ASIC2: variants seen among roughly 807,000 people sequenced by gnomAD.
ASIC2 encodes the protein acid-sensing ion channel 2.
ASIC2 carries 25 observed loss-of-function variants against 57.3 expected under a neutral mutation model. The ratio of observed to expected loss-of-function variants is 0.44; its 90% CI spans 0.32 to 0.61. The LOEUF is 0.61. Ranked by LOEUF, ASIC2 falls within the 20% of genes least tolerant of loss-of-function variation. The pLI, the probability that ASIC2 is intolerant of heterozygous loss-of-function variation, is 0.06. For synonymous variants in ASIC2, 319 were observed against 307.5 expected, an observed-to-expected ratio of 1.04 and a Z score of -0.39; for missense variants, 641 against 738.1, an observed-to-expected ratio of 0.87 and a Z score of 1.52.
intron 1 of ASIC2, among the ~76,000 whole-genome samples, chr17:33,504,217 T>A (rs1358487188): frequency 1.3e-5 from 2 of 152,244 alleles, no homozygotes; most frequent in Non-Finnish European, 2.9e-5. Flanking sequence ...TGGGCATACT[T>A]GTATGGTACT....
intron 1 of ASIC2, among the ~76,000 whole-genome samples, chr17:34,133,104 A>G (rs1381212795): frequency 6.6e-6 from 1 of 152,232 alleles, no homozygotes; most frequent in East Asian, 1.9e-4. Context: ...AGTGTTGGGC[A>G]TCAATTATCT....
chr17:34,036,543 T>A (rs1440444612), intron 1 of ASIC2: 2 of 147,870 alleles, frequency 1.4e-5, no homozygotes, highest in South Asian at 2.2e-4. Flanking sequence ...TAAAATAAAA[T>A]AAAAAATAAA....
intron 1 of ASIC2, among the ~76,000 whole-genome samples, chr17:33,218,745 T>G (rs1362515261): frequency 6.6e-6 from 1 of 152,176 alleles, no homozygotes; most frequent in Non-Finnish European, 1.5e-5. Flanking sequence ...TTTTCCCTTT[T>G]GCCTCCAGCA....
At chr17:33,024,545 C>T (rs1408697805) in intron 5 of ASIC2, among the ~76,000 whole-genome samples, 1 of 152,172 alleles carries the variant, frequency 6.6e-6, no homozygotes, top group Non-Finnish European at 1.5e-5. Context: ...CTCTCTTCTT[C>T]CAATTAGACA....
chr17:33,205,618 C>T (rs756786503), intron 1 of ASIC2, among the ~76,000 whole-genome samples: 4 of 152,196 alleles, frequency 2.6e-5, no homozygotes, highest in African/African-American at 4.8e-5. Flanking sequence ...CTTGGGGAAA[C>T]GCTTGACTAG....
intron 1 of ASIC2, among the ~76,000 whole-genome samples, chr17:33,379,062 T>G (rs2141944448): frequency 6.6e-6 from 1 of 152,326 alleles, no homozygotes; most frequent in Non-Finnish European, 1.5e-5. Context: ...ATTTAAGGGT[T>G]ATTGGAGCAT....
intron 3 of ASIC2, among the ~76,000 whole-genome samples, chr17:33,066,295 T>C (rs556659446): frequency 6.6e-6 from 1 of 152,280 alleles, no homozygotes; most frequent in African/African-American, 2.4e-5. Context: ...GGGAGAAGAA[T>C]GGCTGTCTCT....
intron 1 of ASIC2, among the ~76,000 whole-genome samples, chr17:34,010,592 G>A (rs1312141582): frequency 6.6e-6 from 1 of 151,970 alleles, no homozygotes; most frequent in Non-Finnish European, 1.5e-5. Context: ...CCTATGATGT[G>A]ATTCTAACAC....
chr17:33,750,128 T>C (rs1337833997), intron 1 of ASIC2, among the ~76,000 whole-genome samples: 1 of 152,060 alleles, frequency 6.6e-6, no homozygotes, highest in Admixed American at 6.6e-5. Flanking sequence ...AATGTTGTTG[T>C]GATGTGTGGG....
intron 1 of ASIC2, among the ~76,000 whole-genome samples, chr17:33,847,775 C>A (rs1180507031): frequency 6.6e-6 from 1 of 152,104 alleles, no homozygotes; most frequent in East Asian, 1.9e-4. Context: ...CACAGTAGCA[C>A]AGAGGAAAGT....
intron 1 of ASIC2, among the ~76,000 whole-genome samples, chr17:33,230,835 G>T (rs1908062696): frequency 6.6e-6 from 1 of 152,144 alleles, no homozygotes; most frequent in Non-Finnish European, 1.5e-5. Flanking sequence ...CTGGGCTGGG[G>T]TTAATGGTGA....
chr17:33,997,228 A>T (rs1906188616), intron 1 of ASIC2, among the ~76,000 whole-genome samples: 1 of 149,862 alleles, frequency 6.7e-6, no homozygotes. Flanking sequence ...TGCAGTCTTG[A>T]CCTCCTGGGC....
intron 1 of ASIC2, among the ~76,000 whole-genome samples, chr17:33,653,075 G>A (rs1192976542): frequency 6.6e-6 from 1 of 152,160 alleles, no homozygotes; most frequent in Non-Finnish European, 1.5e-5. Context: ...GACCCTCAAG[G>A]GTGTTATAAA....
intron 1 of ASIC2, among the ~76,000 whole-genome samples, chr17:33,311,651 C>T (rs1407107337): frequency 6.6e-6 from 1 of 152,110 alleles, no homozygotes; most frequent in Non-Finnish European, 1.5e-5. Flanking sequence ...TTGGGAAGCA[C>T]AACTCTATGT....
chr17:33,245,071 T>C (rs942359523), intron 1 of ASIC2, among the ~76,000 whole-genome samples: 1 of 152,222 alleles, frequency 6.6e-6, no homozygotes, highest in African/African-American at 2.4e-5. Context: ...TATACTAATA[T>C]AGATCATAAC....
intron 1 of ASIC2, among the ~76,000 whole-genome samples, chr17:33,750,282 C>A (rs1404726693): frequency 6.6e-6 from 1 of 152,160 alleles, no homozygotes; most frequent in Non-Finnish European, 1.5e-5. Flanking sequence ...CTTCCTCTTT[C>A]CTGGACTTTG....
At chr17:33,561,722 A>T (rs1274097256) in intron 1 of ASIC2, among the ~76,000 whole-genome samples, 1 of 148,002 alleles carries the variant, frequency 6.8e-6, no homozygotes, top group East Asian at 1.9e-4. Flanking sequence ...AAGAGCAGGC[A>T]GGAGCCTGGA....
intron 1 of ASIC2, among the ~76,000 whole-genome samples, chr17:33,765,935 T>C (rs1167158433): frequency 6.6e-6 from 1 of 152,204 alleles, no homozygotes; most frequent in African/African-American, 2.4e-5. Context: ...TTGACTCCTA[T>C]TACAAGCAGA....
intron 1 of ASIC2, among the ~76,000 whole-genome samples, chr17:34,144,359 T>C (rs1912358333): frequency 6.6e-6 from 1 of 152,178 alleles, no homozygotes; most frequent in Non-Finnish European, 1.5e-5. Context: ...GGCTCAACTA[T>C]AATAGCAGGA....
Sources: gnomAD v4.1 joint callset for allele counts (sites outside exome capture counted in the v4.1 genomes callset) on GRCh38, gnomAD v4.1.1 for gene constraint, MANE v1.5 for transcripts, NCBI Gene and HGNC (gene_info 2026-07-23, HGNC 2026-07-21) for gene names.